LRRC27: variants seen among roughly 807,000 people sequenced by gnomAD.
The protein encoded by LRRC27 is leucine-rich repeat-containing protein 27.
Under a neutral mutation model 55.0 loss-of-function variants are expected in LRRC27, and 57 were observed. That is an observed-to-expected ratio of 1.04 (90% CI 0.84 to 1.29). The LOEUF (loss-of-function observed/expected upper bound fraction) is 1.29, where lower values mean the gene tolerates loss of function less well. Ranked by LOEUF, LRRC27 falls within the 50% of genes most tolerant of loss-of-function variation. The pLI is 0.00. For missense variants in LRRC27, 721 were observed against 651.5 expected, an observed-to-expected ratio of 1.11 and a Z score of -1.16; for synonymous variants, 278 against 251.9, an observed-to-expected ratio of 1.10 and a Z score of -0.98.
In LRRC27 at chr10:132,353,195, G is replaced by A. The variant is rs574881307; in HGVS notation, c.1073+1442G>A. 7.5e-5 allele frequency: 104 copies of A among 1,390,224 alleles called. No homozygotes were observed. In the Middle Eastern group the frequency reaches 8.2e-4, roughly 11 times the overall value. 86.1% of individuals were successfully genotyped at this position (1,390,224 alleles called of 1,614,324 possible). A position where few individuals can be genotyped will look rare whatever the true frequency, so the allele number is the denominator to read the frequency against. ...AGGAGGAAGGGAGAGCGAGGGCCTC[G>A]TCTTTACTTTCCCGGCTTCTTTGTG... On this transcript the variant is annotated intron_variant, in intron 7 of 10. Coordinates refer to ENST00000368614, the MANE Select transcript of LRRC27 (RefSeq NM_030626.3).
At chr10:132,361,910 C>A (rs1424143328) in intron 9 of LRRC27, among the ~76,000 whole-genome samples, 1 of 152,098 alleles carries the variant, frequency 6.6e-6, no homozygotes, top group Non-Finnish European at 1.5e-5. Context: ...CAGTCCCTGC[C>A]CTGCCCTGCC....
intron 8 of LRRC27, among the ~76,000 whole-genome samples, chr10:132,360,063 AAAATT>A (rs556499608): frequency 4.9e-4 from 74 of 152,338 alleles, no homozygotes; most frequent in African/African-American, 1.7e-3. Context: ...CTTTTAAAAT[AAAATT>A]AAGTGTCTGA....
rs1182210900 is a variant in LRRC27, at chr10:132,377,285, C to G, written c.*2043C>G. On this transcript the variant is annotated 3_prime_UTR_variant, in exon 11 of 11. Transcript: ENST00000368614. ...TGCGTACGGCGGATTCCGTGCCCATCTCATGTTTTTATTCCCTTTATTCTT... is the reference window on the plus strand; with the variant it reads ...TGCGTACGGCGGATTCCGTGCCCATGTCATGTTTTTATTCCCTTTATTCTT... 1 of 152,230 alleles carries G rather than the reference C, an allele frequency of 6.6e-6. No homozygotes were observed. Among genetic ancestry groups the G allele is most frequent in the Admixed American group, 6.5e-5 (1 of 15,278 alleles). The allele number at this position is 152,230 out of a possible 1,614,324, so 9.4% of individuals were successfully genotyped here.
intron 2 of LRRC27, 70 bp from the exon 3 acceptor site, chr10:132,337,495 T>G: frequency 6.3e-7 from 1 of 1,582,618 alleles, no homozygotes; most frequent in Non-Finnish European, 8.6e-7. Flanking sequence ...TGGAAATAGA[T>G]TTTGGATATA....
Position 132,365,529 on chromosome 10 carries a change from G to C in LRRC27, c.1395G>C (p.Lys465Asn), listed in dbSNP as rs1415043726. 6.2e-7 allele frequency: 1 copy of C among 1,613,420 alleles called. No individual in the cohort carries two copies. Among genetic ancestry groups the C allele is most frequent in the Non-Finnish European group, 8.5e-7 (1 of 1,179,968 alleles). Residue 465 changes from lysine to asparagine, a missense_variant, in exon 10 of 11, where the codon AAG (lysine) becomes AAC (asparagine). Lys to Asn is a moderately conservative substitution (Grantham distance 94). Transcript: ENST00000368614. ...AGGCCCCACTGGAGGAGATGAGGAA[G>C]GCTGCCGAGGATCTGGAAATTGTAA... ...HGQAPLEEMR[K>N]AAEDLEIATE...
chr10:132,335,065 G>A (rs2067048113), intron 2 of LRRC27: 1 of 152,210 alleles, frequency 6.6e-6, no homozygotes. Flanking sequence ...GATGGAATTT[G>A]TATTGTGACA....
intron 8 of LRRC27, among the ~76,000 whole-genome samples, chr10:132,356,142 A>G (rs2497647): frequency 0.45 from 68,624 of 152,072 alleles, 15,768 homozygotes; most frequent in Non-Finnish European, 0.5. Flanking sequence ...ACAGCTTCCC[A>G]CCCCAGCCTT....
chr10:132,342,304 A>G (rs376236158), intron 4 of LRRC27, 33 bp downstream of exon 4: 20 of 1,372,346 alleles, frequency 1.5e-5, no homozygotes, highest in Non-Finnish European at 1.9e-5. Context: ...ATGATTTTAA[A>G]ATGCTATCTT....
chr10:132,345,604 T>C (rs1442065847), intron 5 of LRRC27, among the ~76,000 whole-genome samples: 2 of 152,032 alleles, frequency 1.3e-5, no homozygotes, highest in South Asian at 2.1e-4. Context: ...GTGATAAAAA[T>C]AGGAAAAGAA....
rs1392077225 is a variant in LRRC27, at chr10:132,376,733, G to C, written c.*1491G>C. The C allele has an allele frequency of 1.3e-5, 2 of 152,314 alleles. No homozygotes were observed. The highest frequency in any genetic ancestry group is 4.8e-5 in the African/African-American group (2 of 41,482). The allele number at this position is 152,314 out of a possible 1,614,324, so 9.4% of individuals were successfully genotyped here. On this transcript the variant is annotated 3_prime_UTR_variant, in exon 11 of 11. Transcript: ENST00000368614. ...TTTGGTAAATGTAGACTGTGCACTT[G>C]AGAAGAATGTATTTTGAGTTGTTGG... is the stretch of plus-strand genomic sequence containing the variant.
intron 8 of LRRC27, among the ~76,000 whole-genome samples, chr10:132,359,481 G>A (rs1421110839): frequency 6.6e-6 from 1 of 152,232 alleles, no homozygotes; most frequent in Non-Finnish European, 1.5e-5. Flanking sequence ...GGGCGCCACG[G>A]CCTTGGGTGG....
intron 8 of LRRC27, among the ~76,000 whole-genome samples, chr10:132,358,230 C>T (rs1439330333): frequency 6.6e-6 from 1 of 152,242 alleles, no homozygotes; most frequent in African/African-American, 2.4e-5. Flanking sequence ...TGAAAAGATG[C>T]TCAGCCTGTG....
chr10:132,364,871 G>C (rs148207238), intron 9 of LRRC27, among the ~76,000 whole-genome samples: 104 of 6,660 alleles, frequency 0.016, no homozygotes, highest in Admixed American at 0.11. Flanking sequence ...ACGCAGACTG[G>C]AGTGGACCCC....
chr10:132,377,495 C>G lies in LRRC27; in HGVS notation c.*2253C>G, dbSNP rs1204743214. ...GAAGGTCCCTCCCATCTGCCAGTTC[C>G]CTGCCATTGATGCTGTTGCTCTCGT... is the stretch of plus-strand genomic sequence containing the variant. On this transcript the variant is annotated 3_prime_UTR_variant, in exon 11 of 11. Transcript: ENST00000368614. 6.6e-6 allele frequency: 1 copy of G among 152,158 alleles called. No individual in the cohort carries two copies. The highest frequency in any genetic ancestry group is 2.4e-5 in the African/African-American group (1 of 41,402). 9.4% of individuals were successfully genotyped at this position (152,158 alleles called of 1,614,324 possible). A position where few individuals can be genotyped will look rare whatever the true frequency, so the allele number is the denominator to read the frequency against.
At chr10:132,340,694 G>A (rs571628143) in intron 3 of LRRC27, among the ~76,000 whole-genome samples, 114 of 152,066 alleles carry the variant, frequency 7.5e-4, no homozygotes, top group African/African-American at 2.5e-3. Context: ...GGCCAGGCAC[G>A]GTGGCTCACG....
At chr10:132,361,884 C>T (rs551516387) in intron 9 of LRRC27, among the ~76,000 whole-genome samples, 62 of 152,236 alleles carry the variant, frequency 4.1e-4, no homozygotes, top group Non-Finnish European at 6.6e-4. Flanking sequence ...AGACGCGATC[C>T]GAGATCCACC....
At chr10:132,338,147 C>G (rs1383020867) in intron 3 of LRRC27, among the ~76,000 whole-genome samples, 1 of 152,098 alleles carries the variant, frequency 6.6e-6, no homozygotes. Context: ...AAAACCCTAT[C>G]TCTAATAAAA....
intron 2 of LRRC27, among the ~76,000 whole-genome samples, chr10:132,336,012 C>G (rs778871652): frequency 6.6e-6 from 1 of 152,186 alleles, no homozygotes; most frequent in African/African-American, 2.4e-5. Context: ...AGTTTGCTGA[C>G]CTAAGCCAAT....
At chr10:132,352,758 C>T in intron 7 of LRRC27, 1 of 1,058,230 alleles carries the variant, frequency 9.4e-7, no homozygotes, top group East Asian at 2.6e-5. Context: ...GCCCCGAGGC[C>T]TCCCTGTGGG....
Sources: gnomAD v4.1 joint callset for allele counts (sites outside exome capture counted in the v4.1 genomes callset) on GRCh38, gnomAD v4.1.1 for gene constraint, MANE v1.5 for transcripts, NCBI Gene and HGNC (gene_info 2026-07-23, HGNC 2026-07-21) for gene names.